Variants in PRTG observed in about 807,000 individuals in gnomAD.
The protein encoded by PRTG is immunoglobulin superfamily, DCC subclass, member 5.
PRTG carries 67 observed loss-of-function variants against 122.5 expected under a neutral mutation model. The observed-to-expected ratio is 0.55, with a 90% CI of 0.45 to 0.67. The LOEUF (loss-of-function observed/expected upper bound fraction) is 0.67. Ranked by LOEUF, PRTG falls within the 30% of genes least tolerant of loss-of-function variation. PRTG has a pLI of 0.00. For synonymous variants in PRTG, 554 were observed against 501.1 expected (o/e 1.11, Z -1.41); for missense variants, 1,435 against 1,415.4 (o/e 1.01, Z -0.22).
chr15:55,654,983 G>C (rs1357380279), intron 11 of PRTG: 1 of 152,100 alleles, frequency 6.6e-6, no homozygotes, highest in East Asian at 1.9e-4. Context: ...TGAAAAACAA[G>C]CTTACAAAAT....
intron 11 of PRTG, among the ~76,000 whole-genome samples, chr15:55,653,539 C>G (rs566207597): frequency 1.7e-4 from 26 of 151,996 alleles, no homozygotes; most frequent in African/African-American, 6.3e-4. Context: ...TCTCGGCTCA[C>G]TGCAACCTCT....
chr15:55,690,804 T>C (rs1014391166), intron 2 of PRTG, among the ~76,000 whole-genome samples: 1 of 152,212 alleles, frequency 6.6e-6, no homozygotes, highest in Admixed American at 6.5e-5. Context: ...CAGTGCTGCA[T>C]TGAGCACATT....
At chr15:55,710,891 CA>C (rs2030355308) in intron 2 of PRTG, among the ~76,000 whole-genome samples, 1 of 151,632 alleles carries the variant, frequency 6.6e-6, no homozygotes, top group Non-Finnish European at 1.5e-5. Flanking sequence ...GGCTTTATAG[CA>C]GATGTGGTTT....
At chr15:55,643,034 C>T (rs2059301121) in intron 11 of PRTG, among the ~76,000 whole-genome samples, 1 of 152,018 alleles carries the variant, frequency 6.6e-6, no homozygotes, top group Non-Finnish European at 1.5e-5. Flanking sequence ...GACTGTGCTA[C>T]CGTACTCCAG....
rs1292855391 is a variant in PRTG at position 55,707,354 on chromosome 15, C to G, written c.398-23423G>C. Among the ~76,000 whole-genome samples the G allele has an allele frequency of 2.6e-5, 4 of 152,138 alleles. No homozygotes were observed. In the East Asian group the frequency reaches 7.7e-4, roughly 29 times the overall value. The stretch of plus-strand genomic sequence containing the variant: ...GTGATTTAAATAAAATTTATAAAAT[C>G]AGATTCCCTAAAGGGTTTCAACAAC... On this transcript the variant is annotated intron_variant, in intron 2 of 19. Coordinates refer to ENST00000389286, the MANE Select transcript of PRTG (RefSeq NM_173814.6).
chr15:55,664,893 T>C (rs2059429991), intron 11 of PRTG, among the ~76,000 whole-genome samples: 1 of 152,004 alleles, frequency 6.6e-6, no homozygotes, highest in African/African-American at 2.4e-5. Context: ...GGCAGAAATT[T>C]TGCATTTCTA....
intron 15 of PRTG, among the ~76,000 whole-genome samples, chr15:55,630,949 G>A (rs1413541254): frequency 1.3e-5 from 2 of 152,132 alleles, no homozygotes; most frequent in African/African-American, 4.8e-5. Context: ...CTACTCCAGT[G>A]CACTTGCTGG....
intron 2 of PRTG, among the ~76,000 whole-genome samples, chr15:55,719,455 T>C (rs2030728258): frequency 6.6e-6 from 1 of 152,188 alleles, no homozygotes; most frequent in Non-Finnish European, 1.5e-5. Context: ...AAAGAATGAA[T>C]GTCTATTAAT....
At position 55,638,615 on chromosome 15, in the gene PRTG, G is replaced by T; in HGVS notation, c.2386C>A (p.Arg796=). 6.2e-7 allele frequency: 1 copy of T among 1,613,218 alleles called. No homozygotes were observed. The highest frequency in any genetic ancestry group is 1.1e-5 in the South Asian group (1 of 91,048). ...EPNTKYEFAV[R]LHVDQLSSPW... ...CTGGAAAGCTGATCCACATGTAATCGAACGGCAAATTCGTATTTGGTGTTT... is the reference window on the plus strand; with the variant it reads ...CTGGAAAGCTGATCCACATGTAATCTAACGGCAAATTCGTATTTGGTGTTT... Residue 796 remains arginine (R), a synonymous_variant, in exon 14 of 20, where the codon CGA becomes AGA. Coordinates refer to ENST00000389286, the MANE Select transcript of PRTG (RefSeq NM_173814.6).
At chr15:55,740,248 A>G in intron 2 of PRTG, 134 bp downstream of exon 2, 2 of 758,048 alleles carry the variant, frequency 2.6e-6, no homozygotes, top group Non-Finnish European at 4.2e-6. Flanking sequence ...TATATGCCTC[A>G]GTTAGCATCA....
Position 55,624,349 on chromosome 15 carries a change from T to A in PRTG, c.3086A>T (p.Asp1029Val), listed in dbSNP as rs1475854508. Residue 1029 changes from aspartate (D) to valine (V), a missense_variant, in exon 18 of 20, where the codon GAT becomes GTT. By Grantham distance (152) the Asp-to-Val change is radical. Coordinates refer to ENST00000389286, the MANE Select transcript of PRTG (RefSeq NM_173814.6). ...MPMIMPNSFI[D>V]AKGGTDLIIN... ...AATCCCGCAGCTCAGTACCTTTGCA[T>A]CAATGAAGCTGTTTGGCATGATCAT... 2 of 1,613,944 alleles carry A rather than the reference T, an allele frequency of 1.2e-6. No homozygotes were observed. Among genetic ancestry groups the A allele is most frequent in the Non-Finnish European group, 1.7e-6 (2 of 1,179,900 alleles).
chr15:55,635,426 A>C (rs949869849), intron 15 of PRTG, among the ~76,000 whole-genome samples: 16 of 152,268 alleles, frequency 1.1e-4, no homozygotes, highest in Admixed American at 9.2e-4. Context: ...AGAGCCTATC[A>C]AAACTGTAAT....
At chr15:55,654,418 T>A (rs576421835) in intron 11 of PRTG, among the ~76,000 whole-genome samples, 2 of 152,288 alleles carry the variant, frequency 1.3e-5, no homozygotes, top group East Asian at 3.9e-4. Context: ...TGATTATAAG[T>A]ACGAAATTTA....
At chr15:55,705,257 G>A (rs973320531) in intron 2 of PRTG, among the ~76,000 whole-genome samples, 1 of 152,142 alleles carries the variant, frequency 6.6e-6, no homozygotes, top group African/African-American at 2.4e-5. Context: ...TAGGCCTTGT[G>A]AGTCTATTCT....
At chr15:55,632,505 T>C (rs1450131312) in intron 15 of PRTG, among the ~76,000 whole-genome samples, 1 of 152,176 alleles carries the variant, frequency 6.6e-6, no homozygotes, top group Non-Finnish European at 1.5e-5. Flanking sequence ...TAGAATAAAA[T>C]CTATGGCTCA....
At chr15:55,659,959 C>CAAAACAT (rs2059400740) in intron 11 of PRTG, among the ~76,000 whole-genome samples, 2 of 35,686 alleles carry the variant, frequency 5.6e-5, no homozygotes, top group African/African-American at 9.1e-5. Context: ...AAACAAAACA[C>CAAAACAT]CTGATTCAAT....
chr15:55,644,791 G>A (rs1278622326), intron 11 of PRTG, among the ~76,000 whole-genome samples: 3 of 151,958 alleles, frequency 2.0e-5, no homozygotes, highest in African/African-American at 2.4e-5. Context: ...CACACTCCCA[G>A]AATAAATTCT....
intron 11 of PRTG, among the ~76,000 whole-genome samples, chr15:55,663,798 T>A (rs1306002190): frequency 6.6e-6 from 1 of 152,140 alleles, no homozygotes; most frequent in Non-Finnish European, 1.5e-5. Context: ...CGCCTCGGCC[T>A]CCCAAAGTGC....
At position 55,615,720 on chromosome 15, in the gene PRTG, G is replaced by A. The variant is rs2059139050; in HGVS notation, c.*4292C>T. Reference sequence around the variant, plus strand: ...CTTAGTGACTGTTTCAATATAACTGGAGTTTTTTTTTTACATTCAGTATTC... The same window carrying A: ...CTTAGTGACTGTTTCAATATAACTGAAGTTTTTTTTTTACATTCAGTATTC... On this transcript the variant is annotated 3_prime_UTR_variant, in exon 20 of 20. Coordinates refer to ENST00000389286, the MANE Select transcript of PRTG (RefSeq NM_173814.6). The A allele has an allele frequency of 6.6e-6, 1 of 151,910 alleles. No individual in the cohort carries two copies. The allele number at this position is 151,910 out of a possible 1,614,324, so 9.4% of individuals were successfully genotyped here.
Sources: gnomAD v4.1 joint callset for allele counts (sites outside exome capture counted in the v4.1 genomes callset) on GRCh38, gnomAD v4.1.1 for gene constraint, MANE v1.5 for transcripts, NCBI Gene and HGNC (gene_info 2026-07-23, HGNC 2026-07-21) for gene names.